Variants in ZNF324 observed in about 807,000 individuals in gnomAD.
ZNF324 encodes the protein zinc finger protein 324, also known as zinc finger protein 324A.
In ZNF324, 3 loss-of-function variants were observed where a neutral mutation model predicts 10.3. The ratio of observed to expected loss-of-function variants is 0.29; its 90% CI spans 0.13 to 0.75. The LOEUF is 0.75. Ranked by LOEUF, ZNF324 falls within the 30% of genes least tolerant of loss-of-function variation. The probability of loss-of-function intolerance (pLI) is 0.69; values close to 1 mark genes in which losing one functional copy is unlikely to be tolerated. For synonymous variants in ZNF324, 430 were observed against 339.5 expected (o/e 1.27, Z -2.93); for missense variants, 763 against 784.4 (o/e 0.97, Z 0.33).
rs374713823 is a variant in ZNF324 at position 58,470,974 on chromosome 19, G to A, written c.482G>A (p.Arg161Gln). The change falls in exon 4 of 4, where the codon CGA (arginine) becomes CAA (glutamine). Residue 161 changes from arginine (R) to glutamine (Q), a missense_variant. Arg to Gln is a conservative substitution (Grantham distance 43). Coordinates refer to ENST00000196482, the MANE Select transcript of ZNF324 (RefSeq NM_014347.3). ...SGSGQASVSL[R>Q]LTSPLRPPEG... ...AGTGGGCAAGCCAGCGTCAGCCTGC[G>A]ACTGACCTCCCCGCTTAGGCCTCCC... The A allele has an allele frequency of 6.8e-6, 11 of 1,614,072 alleles. No homozygotes were observed. In the African/African-American group the frequency reaches 1.2e-4, roughly 18 times the overall value.
In ZNF324 at chr19:58,471,907, G is replaced by T; in HGVS notation, c.1415G>T (p.Arg472Leu). Reference sequence around the variant, plus strand: ...AAGGGCGCCGTGCTGCTCAGCCACCGGCGCATTCACACGGGCGAGAAGCCC... The same window carrying T: ...AAGGGCGCCGTGCTGCTCAGCCACCTGCGCATTCACACGGGCGAGAAGCCC... Reference protein sequence around the residue: ...FAKGAVLLSHRRIHTGEKPFV... With the variant: ...FAKGAVLLSHLRIHTGEKPFV... Residue 472 changes from arginine to leucine, a missense_variant, in exon 4 of 4, where the codon CGG becomes CTG. Around this residue, in one of 3 missense-constraint regions of ZNF324, gnomAD observed 231 missense variants for 196.0 expected, o/e 1.18. Coordinates refer to ENST00000196482, the MANE Select transcript of ZNF324 (RefSeq NM_014347.3). The T allele has an allele frequency of 6.2e-7, 1 of 1,610,286 alleles. No individual in the cohort carries two copies. The highest frequency in any genetic ancestry group is 8.5e-7 in the Non-Finnish European group (1 of 1,179,042).
chr19:58,468,334 T>C (rs571878828), intron 1 of ZNF324: 1 of 787,760 alleles, frequency 1.3e-6, no homozygotes, highest in Non-Finnish European at 1.5e-6. Flanking sequence ...TGCCTGGGGC[T>C]ATTGGGAAGA....
At position 58,475,084 on chromosome 19, in the gene ZNF324, G is replaced by C. The variant is rs879895056; in HGVS notation, c.*2930G>C. On this transcript the variant is annotated 3_prime_UTR_variant, in exon 4 of 4. Coordinates refer to ENST00000196482, the MANE Select transcript of ZNF324 (RefSeq NM_014347.3). ...CCTTCTGGGACTCTGCATAGTCCCA[G>C]AGAAAAGGCCTAAGCACCTCATCCC... 1 of 152,104 alleles carries C rather than the reference G, an allele frequency of 6.6e-6. No individual in the cohort carries two copies. The highest frequency in any genetic ancestry group is 1.5e-5 in the Non-Finnish European group (1 of 68,032). 9.4% of individuals were successfully genotyped at this position (152,104 alleles called of 1,614,324 possible). A position where few individuals can be genotyped will look rare whatever the true frequency, so the allele number is the denominator to read the frequency against.
chr19:58,470,778 C>A lies in ZNF324; in HGVS notation c.286C>A (p.Arg96=). 1.2e-6 allele frequency: 2 copies of A among 1,614,218 alleles called. No individual in the cohort carries two copies. Among genetic ancestry groups the A allele is most frequent in the Non-Finnish European group, 1.7e-6 (2 of 1,180,038 alleles). Residue 96 remains arginine (R), a synonymous_variant, in exon 4 of 4, where the codon CGA becomes AGA. Coordinates refer to ENST00000196482, the MANE Select transcript of ZNF324 (RefSeq NM_014347.3). The part of the protein sequence containing the change: ...EDRDVSGEWP[R]AFPDTPPGMT... ...TAGAGATGTTTCTGGAGAATGGCCA[C>A]GAGCTTTCCCAGATACCCCACCTGG...
At chr19:58,468,549 T>C (rs568420930) in intron 1 of ZNF324, among the ~76,000 whole-genome samples, 10 of 151,364 alleles carry the variant, frequency 6.6e-5, no homozygotes, top group Non-Finnish European at 1.3e-4. Flanking sequence ...CAGGGGAGGG[T>C]CCCAGTGATG....
chr19:58,472,206 G>T lies in ZNF324; in HGVS notation c.*52G>T. The T allele has an allele frequency of 6.7e-7, 1 of 1,492,676 alleles. No homozygotes were observed. 92.5% of individuals were successfully genotyped at this position (1,492,676 alleles called of 1,614,324 possible). On this transcript the variant is annotated 3_prime_UTR_variant, in exon 4 of 4. Transcript: ENST00000196482. ...TGTGAATCCCTTCCACAGCTAAAGGGCATATGTCCTCTGCAGATCCACAGC... is the reference window on the plus strand; with the variant it reads ...TGTGAATCCCTTCCACAGCTAAAGGTCATATGTCCTCTGCAGATCCACAGC...
chr19:58,473,731 G>C lies in ZNF324; in HGVS notation c.*1577G>C, dbSNP rs570879150. 6.6e-6 allele frequency: 1 copy of C among 152,368 alleles called. No homozygotes were observed. The highest frequency in any genetic ancestry group is 1.9e-4 in the East Asian group (1 of 5,194). The allele number at this position is 152,368 out of a possible 1,614,324, so 9.4% of individuals were successfully genotyped here. ...GGTACCCTCAAGAGGCCACAGAGTA[G>C]AGATACAGCCTGTCTGCAGCCCAGG... On this transcript the variant is annotated 3_prime_UTR_variant, in exon 4 of 4. Coordinates refer to ENST00000196482, the MANE Select transcript of ZNF324 (RefSeq NM_014347.3).
rs2053051838 is a variant in ZNF324, at chr19:58,473,031, G to T, written c.*877G>T. On this transcript the variant is annotated 3_prime_UTR_variant, in exon 4 of 4. Coordinates refer to ENST00000196482, the MANE Select transcript of ZNF324 (RefSeq NM_014347.3). Reference sequence around the variant, plus strand: ...CGTTCAGGTTTTTGCCCAAGTCTCAGCTTGGCCAAGGCCTGTCACTGACTG... The same window carrying T: ...CGTTCAGGTTTTTGCCCAAGTCTCATCTTGGCCAAGGCCTGTCACTGACTG... The T allele has an allele frequency of 6.5e-6, 1 of 152,682 alleles. No individual in the cohort carries two copies. Among genetic ancestry groups the T allele is most frequent in the Non-Finnish European group, 1.5e-5 (1 of 68,070 alleles). The allele number at this position is 152,682 out of a possible 1,614,324, so 9.5% of individuals were successfully genotyped here.
chr19:58,471,852 C>A lies in ZNF324; in HGVS notation c.1360C>A (p.Arg454Ser). ...QLLHTGERPF[R>S]CVDCGKAFAK... ...CCTGCACACGGGCGAGCGGCCCTTCCGCTGCGTGGACTGTGGCAAGGCCTT... is the reference window on the plus strand; with the variant it reads ...CCTGCACACGGGCGAGCGGCCCTTCAGCTGCGTGGACTGTGGCAAGGCCTT... The change falls in exon 4 of 4, where the codon CGC becomes AGC. Residue 454 changes from arginine to serine, a missense_variant. Around this residue, in one of 3 missense-constraint regions of ZNF324, gnomAD observed 231 missense variants for 196.0 expected, o/e 1.18. Coordinates refer to ENST00000196482, the MANE Select transcript of ZNF324 (RefSeq NM_014347.3). The A allele has an allele frequency of 6.2e-7, 1 of 1,612,646 alleles. No homozygotes were observed. The highest frequency in any genetic ancestry group is 8.5e-7 in the Non-Finnish European group (1 of 1,179,808).
chr19:58,471,233 C>T lies in ZNF324; in HGVS notation c.741C>T (p.Gly247=), dbSNP rs1195763312. The change falls in exon 4 of 4, where the codon GGC becomes GGT. Residue 247 remains glycine, a synonymous_variant. Transcript: ENST00000196482. The part of the protein sequence containing the change: ...GQEPSTWDEL[G]EALHAGEKSF... ...AGCCCTCGACCTGGGACGAGCTGGG[C>T]GAGGCTCTTCACGCTGGGGAGAAGT... The T allele has an allele frequency of 6.8e-6, 11 of 1,613,420 alleles. No homozygotes were observed. Among genetic ancestry groups the T allele is most frequent in the Admixed American group, 6.7e-5 (4 of 59,978 alleles).
rs2053069832 is a variant in ZNF324 at position 58,475,123 on chromosome 19, A to C, written c.*2969A>C. On this transcript the variant is annotated 3_prime_UTR_variant, in exon 4 of 4. Transcript: ENST00000196482. ...GCACCTCATCCCCAAAAACAACCTGAGGAGGCCGTTGGAAAGCTCCGAGTT... is the reference window on the plus strand; with the variant it reads ...GCACCTCATCCCCAAAAACAACCTGCGGAGGCCGTTGGAAAGCTCCGAGTT... 1 of 152,084 alleles carries C rather than the reference A, an allele frequency of 6.6e-6. No individual in the cohort carries two copies. The highest frequency in any genetic ancestry group is 2.4e-5 in the African/African-American group (1 of 41,410). 9.4% of individuals were successfully genotyped at this position (152,084 alleles called of 1,614,324 possible).
intron 1 of ZNF324, 65 bp from the exon 2 acceptor site, chr19:58,469,115 G>C: frequency 6.2e-7 from 1 of 1,609,838 alleles, no homozygotes; most frequent in Non-Finnish European, 8.5e-7. Flanking sequence ...TGTGGCCCAG[G>C]GAAGCCAAAA....
chr19:58,469,585 C>T, intron 2 of ZNF324, 143 bp from the exon 3 acceptor site: 1 of 762,444 alleles, frequency 1.3e-6, no homozygotes, highest in African/African-American at 1.7e-5. Context: ...TTCCTGTGAG[C>T]CCCTTGCCCT....
chr19:58,471,983 C>G lies in ZNF324; in HGVS notation c.1491C>G (p.Phe497Leu), dbSNP rs1054992556. 10 of 1,608,776 alleles carry G rather than the reference C, an allele frequency of 6.2e-6. No homozygotes were observed. Among genetic ancestry groups the G allele is most frequent in the African/African-American group, 2.7e-5 (2 of 74,936 alleles). Reference protein sequence around the residue: ...GRAFRERPALFHHQRIHTGEK... With the variant: ...GRAFRERPALLHHQRIHTGEK... ...CCTTCCGTGAGCGCCCGGCCCTCTTCCACCACCAGAGGATCCATACCGGCG... is the reference window on the plus strand; with the variant it reads ...CCTTCCGTGAGCGCCCGGCCCTCTTGCACCACCAGAGGATCCATACCGGCG... Residue 497 changes from phenylalanine (F) to leucine (L), a missense_variant, in exon 4 of 4, where the codon TTC becomes TTG. By Grantham distance (22) the Phe-to-Leu change is conservative. Around this residue, in one of 3 missense-constraint regions of ZNF324, gnomAD observed 231 missense variants for 196.0 expected, o/e 1.18. Coordinates refer to ENST00000196482, the MANE Select transcript of ZNF324 (RefSeq NM_014347.3).
chr19:58,469,341 G>A, intron 2 of ZNF324, 35 bp downstream of exon 2: 1 of 1,607,636 alleles, frequency 6.2e-7, no homozygotes, highest in African/African-American at 1.3e-5. Context: ...ATGGGCAACT[G>A]ATAACAAGCT....
At chr19:58,469,443 C>A (rs977105239) in intron 2 of ZNF324, 137 bp downstream of exon 2, 4 of 1,227,894 alleles carry the variant, frequency 3.3e-6, no homozygotes, top group East Asian at 2.5e-5. Context: ...GGGTCTGGTC[C>A]TATAGACATG....
chr19:58,468,167 CAA>C (rs367864253), intron 1 of ZNF324: 4 of 984,678 alleles, frequency 4.1e-6, no homozygotes, highest in Non-Finnish European at 3.6e-6. Flanking sequence ...GGGGAAAGAT[CAA>C]GAGTCTGGGA....
chr19:58,467,442 T>TCCC (rs1568609918), intron 1 of ZNF324: 11 of 151,982 alleles, frequency 7.2e-5, no homozygotes, highest in South Asian at 2.1e-4. Context: ...GGGGAAAGGC[T>TCCC]GGGTGGTCCA....
In ZNF324 at chr19:58,474,389, G is replaced by A. The variant is rs1428481774; in HGVS notation, c.*2235G>A. 1 of 152,172 alleles carries A rather than the reference G, an allele frequency of 6.6e-6. No homozygotes were observed. Among genetic ancestry groups the A allele is most frequent in the African/African-American group, 2.4e-5 (1 of 41,426 alleles). 9.4% of individuals were successfully genotyped at this position (152,172 alleles called of 1,614,324 possible). ...CTCTGACAGACGCTTCTTGAGCGAA[G>A]TTTCTGCCCTGAGCCCGCCTGACCC... On this transcript the variant is annotated 3_prime_UTR_variant, in exon 4 of 4. Coordinates refer to ENST00000196482, the MANE Select transcript of ZNF324 (RefSeq NM_014347.3).
Sources: allele counts gnomAD v4.1 joint callset (sites outside exome capture counted in the v4.1 genomes callset), GRCh38; gene constraint gnomAD v4.1.1; regional missense constraint gnomAD v4.1.1; transcripts MANE v1.5; gene names NCBI Gene and HGNC (gene_info 2026-07-23, HGNC 2026-07-21).